PCDHGB3: variants seen among roughly 807,000 people sequenced by gnomAD.
PCDHGB3 encodes the protein protocadherin gamma-B3.
A neutral mutation model predicts 59.2 loss-of-function variants in PCDHGB3; 40 were observed. That is an observed-to-expected ratio of 0.68 (90% confidence interval 0.52 to 0.88). The LOEUF (loss-of-function observed/expected upper bound fraction) is 0.88, where lower values mean the gene tolerates loss of function less well. PCDHGB3 is among the 40% of genes least tolerant of loss of function. The probability of loss-of-function intolerance (pLI) is 0.00; values close to 1 mark genes in which losing one functional copy is unlikely to be tolerated. For missense variants in PCDHGB3, 1,309 were observed against 1,187.9 expected, an observed-to-expected ratio of 1.10 and a Z score of -1.50; for synonymous variants, 581 against 503.6, an observed-to-expected ratio of 1.15 and a Z score of -2.06.
At chr5:141,422,498 C>T (rs1482415670) in intron 1 of PCDHGB3, 1 of 1,613,964 alleles carries the variant, frequency 6.2e-7, no homozygotes, top group Admixed American at 1.7e-5. Flanking sequence ...ATAACGTTGA[C>T]AGCCACAGAC....
At chr5:141,478,644 T>G in intron 1 of PCDHGB3, 1 of 1,552,238 alleles carries the variant, frequency 6.4e-7, no homozygotes, top group South Asian at 1.2e-5. Context: ...GATGAAGATG[T>G]TTTCCTGGTG....
Position 141,511,375 on chromosome 5 carries a change from A to G in PCDHGB3, c.*202A>G. 2 of 1,236,730 alleles carry G rather than the reference A, an allele frequency of 1.6e-6. No individual in the cohort carries two copies. The highest frequency in any genetic ancestry group is 2.2e-6 in the Non-Finnish European group (2 of 912,840). 76.6% of individuals were successfully genotyped at this position (1,236,730 alleles called of 1,614,324 possible). A position where few individuals can be genotyped will look rare whatever the true frequency, so the allele number is the denominator to read the frequency against. On this transcript the variant is annotated 3_prime_UTR_variant, in exon 4 of 4. Coordinates refer to ENST00000576222, the MANE Select transcript of PCDHGB3 (RefSeq NM_018924.5). ...CCCAGGGGGTTGAATATGCAAAAGCAGTTCCGCTGGGAACCCCCATCCAAT... is the reference window on the plus strand; with the variant it reads ...CCCAGGGGGTTGAATATGCAAAAGCGGTTCCGCTGGGAACCCCCATCCAAT...
intron 1 of PCDHGB3, among the ~76,000 whole-genome samples, chr5:141,467,320 T>C (rs1593065881): frequency 6.6e-6 from 1 of 152,322 alleles, no homozygotes; most frequent in African/African-American, 2.4e-5. Flanking sequence ...CCCACAGTGC[T>C]GGGATTAGAG....
chr5:141,400,803 A>G, intron 1 of PCDHGB3: 1 of 556,958 alleles, frequency 1.8e-6, no homozygotes, highest in South Asian at 2.5e-5. Context: ...CTCAAAGCTA[A>G]TGAATTTTAC....
chr5:141,444,897 G>T (rs1445334623), intron 1 of PCDHGB3, among the ~76,000 whole-genome samples: 1 of 152,274 alleles, frequency 6.6e-6, no homozygotes, highest in African/African-American at 2.4e-5. Flanking sequence ...GAATGGGATG[G>T]CATTGCATCT....
In PCDHGB3 at chr5:141,486,017, A is replaced by G. The variant is rs746747518; in HGVS notation, c.2416-8790A>G. On this transcript the variant is annotated intron_variant, in intron 1 of 3. Transcript: ENST00000576222. The surrounding 1 kb of genome is among the most constrained non-coding windows in gnomAD (Gnocchi z 5.0). ...CAGTGGTAACGTCACCTTTTATTTC[A>G]GTGGTCATACCCCTGATCGTGTAAG... The G allele has an allele frequency of 6.2e-7, 1 of 1,614,176 alleles. No homozygotes were observed. The highest frequency in any genetic ancestry group is 1.7e-5 in the Admixed American group (1 of 60,026).
At chr5:141,389,725 T>A in intron 1 of PCDHGB3, 1 of 1,612,726 alleles carries the variant, frequency 6.2e-7, no homozygotes, top group South Asian at 1.1e-5. Flanking sequence ...GAGCCCGGGC[T>A]CTTCAGCCTG....
intron 3 of PCDHGB3, among the ~76,000 whole-genome samples, chr5:141,506,363 C>T (rs1013247178): frequency 4.0e-5 from 6 of 150,792 alleles, no homozygotes; most frequent in South Asian, 4.2e-4. Context: ...GCAGGAGAAT[C>T]GCTTGAACCT....
Position 141,487,506 on chromosome 5 carries a change from C to T in PCDHGB3, c.2416-7301C>T. 1 of 1,614,220 alleles carries T rather than the reference C, an allele frequency of 6.2e-7. No homozygotes were observed. The highest frequency in any genetic ancestry group is 8.5e-7 in the Non-Finnish European group (1 of 1,180,046). On this transcript the variant is annotated intron_variant, in intron 1 of 3. Coordinates refer to ENST00000576222, the MANE Select transcript of PCDHGB3 (RefSeq NM_018924.5). The surrounding 1 kb of genome is among the most constrained non-coding windows in gnomAD (Gnocchi z 5.0). ...CATGGCTGTACACCCTTGGCTTCTG[C>T]ACCCACTCGGAGTGATAGCTTCATG...
chr5:141,400,630 A>G, intron 1 of PCDHGB3: 8 of 1,394,666 alleles, frequency 5.7e-6, no homozygotes, highest in East Asian at 2.3e-5. Flanking sequence ...TAGGGAAGTC[A>G]GAGCTGCTCA....
At chr5:141,481,913 CAAAA>C (rs34114744) in intron 1 of PCDHGB3, among the ~76,000 whole-genome samples, 1 of 90,848 alleles carries the variant, frequency 1.1e-5, no homozygotes, top group Non-Finnish European at 2.2e-5. Context: ...AACTCCATCT[CAAAA>C]AAAAAAAAAA....
intron 1 of PCDHGB3, chr5:141,392,879 G>T: frequency 1.2e-6 from 2 of 1,613,512 alleles, no homozygotes; most frequent in East Asian, 2.2e-5. Flanking sequence ...TGCTGGGAAC[G>T]CTGTGGGAAA....
At chr5:141,439,523 T>A (rs2098118339) in intron 1 of PCDHGB3, among the ~76,000 whole-genome samples, 1 of 152,202 alleles carries the variant, frequency 6.6e-6, no homozygotes, top group African/African-American at 2.4e-5. Context: ...CAACTAACTC[T>A]ACAGAACGCT....
At chr5:141,415,804 A>C in intron 1 of PCDHGB3, 1 of 1,366,960 alleles carries the variant, frequency 7.3e-7, no homozygotes, top group Non-Finnish European at 9.4e-7. Flanking sequence ...AGTCTCAATC[A>C]AGGCCTATAT....
chr5:141,375,724 A>T (rs1771805917), intron 1 of PCDHGB3: 1 of 1,614,144 alleles, frequency 6.2e-7, no homozygotes, highest in Non-Finnish European at 8.5e-7. Flanking sequence ...GCAACGTGTC[A>T]CTGAGCCTGT....
At position 141,438,591 on chromosome 5, in the gene PCDHGB3, CATATATATATATAT is replaced by C. The variant is rs946798767; in HGVS notation, c.2416-56184_2416-56171del. Among the ~76,000 whole-genome samples the C allele has an allele frequency of 7.9e-5, 6 of 75,562 alleles. No individual in the cohort carries two copies. The East Asian group carries it at 1.7e-3, about 22-fold the overall frequency. 49.6% of individuals were successfully genotyped at this position (75,562 alleles called of 152,430 possible). On this transcript the variant is annotated intron_variant, in intron 1 of 3. Transcript: ENST00000576222. ...TCTGATATACATACATACATACATA[CATATATATATATAT>C]ATATATATATATATATATATATATA...
In PCDHGB3 at chr5:141,486,819, T is replaced by TG; in HGVS notation, c.2416-7988_2416-7987insG. 6.2e-7 allele frequency: 1 copy of TG among 1,614,212 alleles called. No homozygotes were observed. Among genetic ancestry groups the TG allele is most frequent in the Non-Finnish European group, 8.5e-7 (1 of 1,180,034 alleles). On this transcript the variant is annotated intron_variant, in intron 1 of 3. Coordinates refer to ENST00000576222, the MANE Select transcript of PCDHGB3 (RefSeq NM_018924.5). The surrounding 1 kb of genome is among the most constrained non-coding windows in gnomAD (Gnocchi z 5.0). ...GGCAACCCACCCCTTAGCAGCACTG[T>TG]AACAGTTCGTCTATTTGTGCTGGAC...
rs114492681 is a variant in PCDHGB3, at chr5:141,408,401, C to A, written c.2415+35592C>A. 1.5e-3 allele frequency: 2,364 copies of A among 1,614,010 alleles called. 32 individuals are homozygous for A. The African/African-American group carries it at 0.028, about 19-fold the overall frequency. On this transcript the variant is annotated intron_variant, in intron 1 of 3. Coordinates refer to ENST00000576222, the MANE Select transcript of PCDHGB3 (RefSeq NM_018924.5). ...CCTGGATGTGTCGGCTCGCAAGCTG[C>A]GAGTGAGCGCGGAGAAGCTGCACTT...
intron 1 of PCDHGB3, among the ~76,000 whole-genome samples, chr5:141,465,319 T>A (rs184635197): frequency 4.6e-5 from 7 of 152,324 alleles, no homozygotes; most frequent in Admixed American, 1.3e-4. Flanking sequence ...GCCATGTCAA[T>A]GCAGTATTTT....
Sources: allele counts gnomAD v4.1 joint callset (sites outside exome capture counted in the v4.1 genomes callset), GRCh38; gene constraint gnomAD v4.1.1; non-coding constraint Gnocchi (gnomAD v3.1); transcripts MANE v1.5; gene names NCBI Gene and HGNC (gene_info 2026-07-23, HGNC 2026-07-21).